Variants in NEB observed in about 807,000 individuals in gnomAD.
NEB encodes the protein nemaline myopathy type 2.
Under a neutral mutation model 952.2 loss-of-function variants are expected in NEB, and 512 were observed. That is an observed-to-expected ratio of 0.54 (90% CI 0.50 to 0.58). The LOEUF (loss-of-function observed/expected upper bound fraction) is 0.58. NEB is among the 20% of genes least tolerant of loss of function. NEB has a pLI of 0.00. For synonymous variants in NEB, 2,900 were observed against 3,149.8 expected, an observed-to-expected ratio of 0.92 and a Z score of 2.66; for missense variants, 8,428 against 9,231.1, an observed-to-expected ratio of 0.91 and a Z score of 3.56.
chr2:151,494,238 T>C lies in NEB; in HGVS notation c.24502A>G (p.Asn8168Asp). ...ENISSVLYKE[N>D]VGKATATPVT... ...GGGGTTGCGGTGGCTTTCCCCACAT[T>C]TTCTTTGTACAAAACCTATGGGAAT... The change falls in exon 174 of 182, where the codon AAT becomes GAT. Residue 8168 changes from asparagine to aspartate, a missense_variant. Transcript: ENST00000397345. 1 of 1,599,770 alleles carries C rather than the reference T, an allele frequency of 6.3e-7. No individual in the cohort carries two copies. Among genetic ancestry groups the C allele is most frequent in the Non-Finnish European group, 8.5e-7 (1 of 1,171,820 alleles).
Position 151,621,011 on chromosome 2 carries a change from C to A in NEB, c.10468G>T (p.Ala3490Ser), listed in dbSNP as rs764384832. The change falls in exon 72 of 182, where the codon GCC becomes TCC. Residue 3490 changes from alanine (A) to serine (S), a missense_variant. Around this residue, in one of 11 missense-constraint regions of NEB, gnomAD observed 1,772 missense variants for 1,960.3 expected, o/e 0.90. Coordinates refer to ENST00000397345, the MANE Select transcript of NEB (RefSeq NM_001164508.2). ...CCTTCTTTCTTGGCTTCTTCCATGG[C>A]CTGACGATAGAGGCTCTGAGGAAAG... ...INYSESLYRQ[A>S]MEEAKKEGYD... 1 of 1,609,582 alleles carries A rather than the reference C, an allele frequency of 6.2e-7. No homozygotes were observed. The highest frequency in any genetic ancestry group is 8.5e-7 in the Non-Finnish European group (1 of 1,177,692).
At chr2:151,541,378 G>A in intron 136 of NEB, 69 bp downstream of exon 136, 1 of 1,207,302 alleles carries the variant, frequency 8.3e-7, no homozygotes, top group Non-Finnish European at 1.2e-6. Context: ...CACTGGCCAG[G>A]TGAGGCCAGG....
Position 151,496,984 on chromosome 2 carries a change from G to A in NEB, c.24350C>T (p.Pro8117Leu), listed in dbSNP as rs541150975. Residue 8117 changes from proline to leucine, a missense_variant, in exon 172 of 182, where the codon CCT (proline) becomes CTT (leucine). Pro to Leu is a moderately conservative substitution (Grantham distance 98). This residue lies in a region of NEB where 3,374 missense variants were observed against 3,651.5 expected (regional missense o/e 0.92). Transcript: ENST00000397345. ...ATTGTGTTTGACTCTCTCCATCTCA[G>A]GAGTGACAGGTAGAGGGGTTCCCTT... ...MGKGTPLPVTPEMERVKHNQE... is the reference protein window; with the variant it reads ...MGKGTPLPVTLEMERVKHNQE... 1.9e-5 allele frequency: 30 copies of A among 1,581,362 alleles called. No homozygotes were observed. In the African/African-American group the frequency reaches 2.6e-4, roughly 13 times the overall value.
At chr2:151,612,524 G>A in intron 77 of NEB, 135 bp from the exon 78 acceptor site, 1 of 892,518 alleles carries the variant, frequency 1.1e-6, no homozygotes, top group South Asian at 1.7e-5. Flanking sequence ...CCACAGGATT[G>A]CTTTACTTTG....
intron 109 of NEB, 140 bp from the exon 110 acceptor site, chr2:151,569,512 G>A (rs2096552305): frequency 4.4e-6 from 3 of 676,684 alleles, no homozygotes; most frequent in Non-Finnish European, 2.7e-6. Context: ...CGCAGGTAAT[G>A]TAAGAAAATT....
intron 63 of NEB, 141 bp downstream of exon 63, chr2:151,639,139 T>C (rs550447099): frequency 3.3e-6 from 2 of 602,062 alleles, no homozygotes; most frequent in Admixed American, 5.9e-5. Context: ...TTTATGATGG[T>C]GATTGAGAAA....
At chr2:151,504,154 T>C (rs912814794) in intron 165 of NEB, among the ~76,000 whole-genome samples, 1 of 152,190 alleles carries the variant, frequency 6.6e-6, no homozygotes, top group Non-Finnish European at 1.5e-5. Flanking sequence ...CCTAAAGGAC[T>C]GAATGAGTTC....
chr2:151,646,115 A>C lies in NEB; in HGVS notation c.7536+15T>G. ...ATGAGCTTTCTGAAAACACATGCTGAATTTGAAAACTTACATCACTTGTGT... is the reference window on the plus strand; with the variant it reads ...ATGAGCTTTCTGAAAACACATGCTGCATTTGAAAACTTACATCACTTGTGT... On this transcript the variant is annotated intron_variant, in intron 55 of 181. Transcript: ENST00000397345. The C allele has an allele frequency of 6.5e-7, 1 of 1,540,512 alleles. No homozygotes were observed. The highest frequency in any genetic ancestry group is 8.8e-7 in the Non-Finnish European group (1 of 1,132,848).
At chr2:151,534,429 G>T in intron 142 of NEB, 1 of 853,980 alleles carries the variant, frequency 1.2e-6, no homozygotes, top group Non-Finnish European at 1.9e-6. Context: ...CTAGTGGCGG[G>T]CTCCCAACAT....
At position 151,570,404 on chromosome 2, in the gene NEB, A is replaced by G. The variant is rs1560067341; in HGVS notation, c.17119-12T>C. 1.3e-6 allele frequency: 2 copies of G among 1,570,630 alleles called. No individual in the cohort carries two copies. The highest frequency in any genetic ancestry group is 2.3e-5 in the East Asian group (1 of 44,396). The stretch of plus-strand genomic sequence containing the variant: ...AGCTTATATTTATACTGGAGATGCA[A>G]AAATAAAGCAGATGGGTCACAGCAT... On this transcript the variant is annotated splice_polypyrimidine_tract_variant and intron_variant, in intron 108 of 181. Coordinates refer to ENST00000397345, the MANE Select transcript of NEB (RefSeq NM_001164508.2).
At chr2:151,659,401 A>G (rs1433910064) in intron 46 of NEB, among the ~76,000 whole-genome samples, 1 of 152,044 alleles carries the variant, frequency 6.6e-6, no homozygotes, top group South Asian at 2.1e-4. Flanking sequence ...GGCTCAAACA[A>G]TCCATCCTCC....
intron 51 of NEB, among the ~76,000 whole-genome samples, chr2:151,654,824 A>T (rs1157269690): frequency 6.6e-6 from 1 of 152,176 alleles, no homozygotes; most frequent in East Asian, 1.9e-4. Context: ...AACTCATACC[A>T]AGTCTGTTTG....
chr2:151,653,225 C>A (rs542238394), intron 52 of NEB, among the ~76,000 whole-genome samples: 5 of 152,134 alleles, frequency 3.3e-5, no homozygotes, highest in Non-Finnish European at 7.4e-5. Flanking sequence ...TTCACTATAA[C>A]CAAGACCTTC....
intron 11 of NEB, 118 bp downstream of exon 11, chr2:151,710,316 C>T (rs1475502291): frequency 1.8e-6 from 1 of 555,646 alleles, no homozygotes; most frequent in African/African-American, 1.9e-5. Flanking sequence ...GGTCTTGCCC[C>T]AAGAAGAGGG....
chr2:151,658,046 A>C lies in NEB; in HGVS notation c.6120T>G (p.Tyr2040Ter). The C allele has an allele frequency of 1.2e-6, 2 of 1,610,880 alleles. No homozygotes were observed. Among genetic ancestry groups the C allele is most frequent in the Non-Finnish European group, 1.7e-6 (2 of 1,178,140 alleles). Residue 2040 changes from tyrosine to a stop codon, truncating the protein, a stop_gained, in exon 48 of 182, where the codon TAT (tyrosine) becomes TAG (stop). Coordinates refer to ENST00000397345, the MANE Select transcript of NEB (RefSeq NM_001164508.2). LOFTEE classifies it high-confidence loss of function. ...LSLEESKKKGYDLRPDAIPIK... is the reference protein window; with the variant it reads ...LSLEESKKKG ...TAGGAATTGCATCAGGTCTGAGATC[A>C]TAGCCTTTCTTTTTAGACTCTTCCA...
At chr2:151,516,413 G>T in intron 157 of NEB, 46 bp downstream of exon 157, 2 of 1,321,388 alleles carry the variant, frequency 1.5e-6, no homozygotes, top group Admixed American at 1.8e-5. Flanking sequence ...CTTGTGTTCA[G>T]TAGTGTGATG....
At chr2:151,689,118 G>A (rs987495885) in intron 24 of NEB, 8 of 150,176 alleles carry the variant, frequency 5.3e-5, no homozygotes, top group African/African-American at 1.5e-4. Context: ...TGGAGAACAC[G>A]AACTTCTGTA....
chr2:151,490,052 C>T lies in NEB; in HGVS notation c.25323G>A (p.Glu8441=), dbSNP rs1370977464. ...CTGAAGATGATCGTTGTTGTGGGAG[C>T]TCTGTGGTTTTTGCATGTTTGTAAG... ...STAYKHAKTT[E]LPQQRSSSVA... Residue 8441 remains glutamate (E), a synonymous_variant, in exon 181 of 182, where the codon GAG becomes GAA. Transcript: ENST00000397345. The T allele has an allele frequency of 1.2e-6, 2 of 1,610,704 alleles. No homozygotes were observed. The highest frequency in any genetic ancestry group is 1.7e-6 in the Non-Finnish European group (2 of 1,178,870).
At position 151,640,480 on chromosome 2, in the gene NEB, G is replaced by A. The variant is rs772120513; in HGVS notation, c.8560C>T (p.Leu2854=). The A allele has an allele frequency of 3.7e-6, 6 of 1,613,880 alleles. No individual in the cohort carries two copies. Among genetic ancestry groups the A allele is most frequent in the Middle Eastern group, 1.6e-4 (1 of 6,062 alleles). ...SSPVDMLGVV[L]AKKCQTLVSD... is the part of the protein sequence containing the mutation. Reference sequence around the variant, plus strand: ...ACTAAGGTCTGGCACTTCTTGGCCAGCACCACCCCCAGCATGTCCACTGGG... The same window carrying A: ...ACTAAGGTCTGGCACTTCTTGGCCAACACCACCCCCAGCATGTCCACTGGG... Residue 2854 remains leucine, a synonymous_variant, in exon 61 of 182, where the codon CTG becomes TTG. Coordinates refer to ENST00000397345, the MANE Select transcript of NEB (RefSeq NM_001164508.2).
Sources: allele counts gnomAD v4.1 joint callset (sites outside exome capture counted in the v4.1 genomes callset), GRCh38; gene constraint gnomAD v4.1.1; regional missense constraint gnomAD v4.1.1; transcripts MANE v1.5; gene names NCBI Gene and HGNC (gene_info 2026-07-23, HGNC 2026-07-21).